Variants in PRKAR1B observed in about 807,000 individuals in gnomAD.
PRKAR1B encodes cAMP-dependent protein kinase type I-beta regulatory subunit.
A neutral mutation model predicts 46.5 loss-of-function variants in PRKAR1B; 22 were observed. That is an observed-to-expected ratio of 0.47 (90% CI 0.34 to 0.68). The LOEUF is 0.68. Ranked by LOEUF, PRKAR1B falls within the 30% of genes least tolerant of loss-of-function variation. PRKAR1B has a pLI of 0.01. For missense variants in PRKAR1B, 445 were observed against 535.6 expected (o/e 0.83, Z 1.67); for synonymous variants, 259 against 217.7 (o/e 1.19, Z -1.67).
At chr7:728,157 C>T (rs1262676854), upstream of PRKAR1B, among the ~76,000 whole-genome samples, 1 of 152,172 alleles carries the variant, frequency 6.6e-6, no homozygotes, top group Admixed American at 6.5e-5. Flanking sequence ...CGTTCCCTTT[C>T]CTTAGCTGGC....
chr7:653,097 G>A (rs1184535407), intron 4 of PRKAR1B, among the ~76,000 whole-genome samples: 1 of 152,156 alleles, frequency 6.6e-6, no homozygotes, highest in Non-Finnish European at 1.5e-5. Flanking sequence ...GTGGACAAGT[G>A]CTTCTCCAGC....
upstream of PRKAR1B, among the ~76,000 whole-genome samples, chr7:727,944 C>T (rs1781416304): frequency 6.6e-6 from 1 of 151,658 alleles, no homozygotes; most frequent in African/African-American, 2.4e-5. Context: ...CCTTTCCTTC[C>T]CTCGGGGGCT....
intron 6 of PRKAR1B, 116 bp from the exon 7 acceptor site, chr7:596,420 C>A: frequency 7.8e-7 from 1 of 1,286,184 alleles, no homozygotes; most frequent in Non-Finnish European, 1.1e-6. Flanking sequence ...CAGGGCGGGG[C>A]ACAAGCCCTT....
chr7:624,387 G>A (rs757219709), intron 4 of PRKAR1B, among the ~76,000 whole-genome samples: 21 of 151,976 alleles, frequency 1.4e-4, no homozygotes, highest in Non-Finnish European at 2.6e-4. Flanking sequence ...GAGTGAGATC[G>A]TGCCACTGCA....
chr7:724,516 GC>G lies in PRKAR1B; in HGVS notation c.-23+2693del, dbSNP rs1392753787. 2.6e-5 allele frequency among the ~76,000 whole-genome samples: 4 copies of G among 152,218 alleles called. No homozygotes were observed. In the East Asian group the frequency reaches 7.7e-4, roughly 29 times the overall value. ...CGGCCATCATTGTGAGGCCTCCCCA[GC>G]CATGTGGAACTGTGAGTCCAGTAAA... On this transcript the variant is annotated intron_variant, in intron 1 of 10. Transcript: ENST00000537384.
chr7:691,470 T>G, intron 2 of PRKAR1B: 1 of 1,302,454 alleles, frequency 7.7e-7, no homozygotes, highest in South Asian at 1.2e-5. Context: ...CGGATGAAGA[T>G]GCAGGCAGGG....
In PRKAR1B at chr7:611,397, G is replaced by T. The variant is rs187267699; in HGVS notation, c.441-3945C>A. ...TCCAGTAAGGAGCCCCTGCTATTTG[G>T]GTCAGGGCTGGCCAGTGGTGCTGGG... On this transcript the variant is annotated intron_variant, in intron 4 of 10. Transcript: ENST00000537384. Among the ~76,000 whole-genome samples the T allele has an allele frequency of 5.6e-3, 859 of 152,338 alleles. 10 individuals are homozygous for T. The highest frequency in any genetic ancestry group is 0.019 in the African/African-American group (797 of 41,572).
chr7:563,632 T>C (rs929617619), intron 9 of PRKAR1B, among the ~76,000 whole-genome samples: 1 of 152,158 alleles, frequency 6.6e-6, no homozygotes, highest in Non-Finnish European at 1.5e-5. Context: ...ACTGTGTGTG[T>C]GCATGTGTGC....
rs1402891330 is a variant in PRKAR1B, at chr7:691,809, C to A, written c.178-11083G>T. ...CACCTCCTGCGGAGGACGGCGCATC[C>A]CCTGAACTCCCTGCCAAGTAAACAC... is the stretch of plus-strand genomic sequence containing the variant. On this transcript the variant is annotated intron_variant, in intron 2 of 10. Coordinates refer to ENST00000537384, the MANE Select transcript of PRKAR1B (RefSeq NM_001164760.2). 3.4e-6 allele frequency: 4 copies of A among 1,184,996 alleles called. No individual in the cohort carries two copies. The African/African-American group carries it at 6.4e-5, about 19-fold the overall frequency. The allele number at this position is 1,184,996 out of a possible 1,614,324, so 73.4% of individuals were successfully genotyped here.
At chr7:562,814 A>G (rs1233801379) in intron 9 of PRKAR1B, among the ~76,000 whole-genome samples, 2 of 151,814 alleles carry the variant, frequency 1.3e-5, no homozygotes, top group Admixed American at 1.3e-4. Flanking sequence ...CCCCCCAACC[A>G]TGACTCCCTC....
intron 7 of PRKAR1B, among the ~76,000 whole-genome samples, chr7:587,464 G>A (rs878860418): frequency 6.6e-6 from 1 of 152,370 alleles, no homozygotes; most frequent in South Asian, 2.1e-4. Context: ...CCGTGGTGAA[G>A]TGGGGGTCTG....
chr7:585,578 G>C (rs1158085043), intron 7 of PRKAR1B, among the ~76,000 whole-genome samples: 1 of 150,052 alleles, frequency 6.7e-6, no homozygotes, highest in East Asian at 1.9e-4. Context: ...CGTGACCCTA[G>C]ATAAGTCCCC....
At chr7:659,442 ACG>A (rs1396971656) in intron 4 of PRKAR1B, among the ~76,000 whole-genome samples, 1 of 152,168 alleles carries the variant, frequency 6.6e-6, no homozygotes, top group Non-Finnish European at 1.5e-5. Context: ...CGAAGTGACC[ACG>A]AAAGGGGGAG....
At chr7:615,565 C>T (rs1423967399) in intron 4 of PRKAR1B, among the ~76,000 whole-genome samples, 13 of 151,196 alleles carry the variant, frequency 8.6e-5, no homozygotes, top group Admixed American at 5.3e-4. Context: ...AGGCCGGGTG[C>T]GGTGGCTCAT....
rs545599040 is a variant in PRKAR1B, at chr7:563,796, CGT to C, written c.892-12328_892-12327del. Among the ~76,000 whole-genome samples the C allele has an allele frequency of 1.4e-3, 211 of 150,932 alleles. 1 individual carries two copies. Among genetic ancestry groups the C allele is most frequent in the African/African-American group, 4.3e-3 (176 of 41,042 alleles). ...GCATGTCTGTATGTACATGTGTGTA[CGT>C]GTGTGTGCACAGGTGTGCCTGTGTC... is the stretch of plus-strand genomic sequence containing the variant. On this transcript the variant is annotated intron_variant, in intron 9 of 10. Coordinates refer to ENST00000537384, the MANE Select transcript of PRKAR1B (RefSeq NM_001164760.2).
intron 9 of PRKAR1B, among the ~76,000 whole-genome samples, chr7:552,831 C>A (rs540010763): frequency 6.6e-6 from 1 of 152,370 alleles, no homozygotes; most frequent in East Asian, 1.9e-4. Flanking sequence ...GCCATCCCGG[C>A]CTCCCCGGGG....
At chr7:645,797 C>A (rs1446049435) in intron 4 of PRKAR1B, among the ~76,000 whole-genome samples, 1 of 152,092 alleles carries the variant, frequency 6.6e-6, no homozygotes, top group Non-Finnish European at 1.5e-5. Context: ...ACCGTGAGGT[C>A]AGCATGCGGG....
chr7:693,036 A>G (rs144414158), intron 2 of PRKAR1B, among the ~76,000 whole-genome samples: 5,068 of 151,024 alleles, frequency 0.034, 317 homozygotes, highest in African/African-American at 0.12. Context: ...CCGGTTTCAC[A>G]CCTTTCTCCT....
intron 4 of PRKAR1B, among the ~76,000 whole-genome samples, chr7:652,815 G>T (rs146105704): frequency 3.9e-5 from 6 of 152,308 alleles, no homozygotes; most frequent in African/African-American, 1.4e-4. Flanking sequence ...GTTATTTATT[G>T]TTACATAACA....
Sources: gnomAD v4.1 joint callset for allele counts (sites outside exome capture counted in the v4.1 genomes callset) on GRCh38, gnomAD v4.1.1 for gene constraint, MANE v1.5 for transcripts, NCBI Gene and HGNC (gene_info 2026-07-23, HGNC 2026-07-21) for gene names.